Variants in NBAS observed in about 807,000 individuals in gnomAD.
NBAS encodes the protein NAG/BC035112 fusion.
A neutral mutation model predicts 302.5 loss-of-function variants in NBAS; 219 were observed. That is an observed-to-expected ratio of 0.72 (90% CI 0.65 to 0.81). The LOEUF (loss-of-function observed/expected upper bound fraction) is 0.81, where lower values mean the gene tolerates loss of function less well. NBAS is among the 30% of genes least tolerant of loss of function. NBAS has a pLI of 0.00. For missense variants in NBAS, 2,932 were observed against 2,841.6 expected, an observed-to-expected ratio of 1.03 and a Z score of -0.72; for synonymous variants, 1,118 against 1,021.6, an observed-to-expected ratio of 1.09 and a Z score of -1.80.
chr2:15,467,943 T>G, intron 17 of NBAS, 139 bp from the exon 18 acceptor site: 1 of 791,648 alleles, frequency 1.3e-6, no homozygotes, highest in South Asian at 1.9e-5. Flanking sequence ...CTTTTGCCAT[T>G]GTAAACAAAG....
intron 31 of NBAS, among the ~76,000 whole-genome samples, chr2:15,370,578 T>C (rs1315594091): frequency 6.6e-6 from 1 of 151,876 alleles, no homozygotes; most frequent in East Asian, 1.9e-4. Context: ...ATTAGAGGAG[T>C]GAGCCACCAT....
At chr2:15,047,114 A>C in the NBAS span, among the ~76,000 whole-genome samples, 3 of 152,228 alleles carry the variant, frequency 2.0e-5, no homozygotes, top group Non-Finnish European at 4.4e-5. Flanking sequence ...CAGGCAGTAG[A>C]GCCTAGAGAT....
At chr2:15,223,560 T>C (rs781506430) in intron 47 of NBAS, among the ~76,000 whole-genome samples, 13 of 152,114 alleles carry the variant, frequency 8.5e-5, no homozygotes, top group African/African-American at 1.4e-4. Context: ...GTAATACAAA[T>C]GATTTTTAAA....
At chr2:14,868,587 A>T in the NBAS span, among the ~76,000 whole-genome samples, 1 of 152,068 alleles carries the variant, frequency 6.6e-6, no homozygotes. Context: ...CACGGACGGA[A>T]TTTTTTCTTA....
chr2:15,309,832 C>G (rs987023658), intron 38 of NBAS, among the ~76,000 whole-genome samples: 1 of 152,156 alleles, frequency 6.6e-6, no homozygotes, highest in African/African-American at 2.4e-5. Flanking sequence ...AATTTTTACA[C>G]AAACCACAAC....
the NBAS span, among the ~76,000 whole-genome samples, chr2:15,075,932 T>G: frequency 6.6e-6 from 1 of 152,246 alleles, no homozygotes; most frequent in South Asian, 2.1e-4. Context: ...TTGAAGTTTT[T>G]CAAACAAAAT....
At chr2:15,300,433 G>A (rs1191194494) in intron 40 of NBAS, among the ~76,000 whole-genome samples, 1 of 152,206 alleles carries the variant, frequency 6.6e-6, no homozygotes, top group African/African-American at 2.4e-5. Flanking sequence ...GGAAGATGCT[G>A]AAAACACTCA....
intron 44 of NBAS, among the ~76,000 whole-genome samples, chr2:15,268,190 C>T (rs1669159916): frequency 6.6e-6 from 1 of 152,228 alleles, no homozygotes; most frequent in Non-Finnish European, 1.5e-5. Context: ...AAGTACTCTT[C>T]ACTCTCCCAT....
At chr2:15,146,982 C>T in the NBAS span, among the ~76,000 whole-genome samples, 1 of 152,194 alleles carries the variant, frequency 6.6e-6, no homozygotes, top group African/African-American at 2.4e-5. Context: ...GACAGGGTTG[C>T]TCTGTCTGTC....
chr2:15,019,442 T>C, the NBAS span, among the ~76,000 whole-genome samples: 2 of 152,130 alleles, frequency 1.3e-5, no homozygotes, highest in African/African-American at 4.8e-5. Context: ...CTTAGAGACC[T>C]CTCTGTTAGC....
At chr2:15,328,445 G>T in intron 36 of NBAS, 133 bp from the exon 37 acceptor site, 2 of 750,058 alleles carry the variant, frequency 2.7e-6, no homozygotes, top group South Asian at 1.5e-5. Flanking sequence ...GGTAATGCCT[G>T]CTGCATTTCC....
In NBAS at chr2:15,424,456, C is replaced by G; in HGVS notation, c.2436G>C (p.Glu812Asp). The change falls in exon 23 of 52, where the codon GAG (glutamate) becomes GAC (aspartate). Residue 812 changes from glutamate to aspartate, a missense_variant. Physicochemically the swap from Glu to Asp is conservative, Grantham distance 45 (BLOSUM62 2). Transcript: ENST00000281513. The stretch of plus-strand genomic sequence containing the variant: ...ATTCACTTTCATCTTGGAGATTCGG[C>G]TCAACAACCATTCTGTGAAGCACAA... ...CEELACRMVV[E>D]PNLQDESEFL... The G allele has an allele frequency of 1.2e-6, 2 of 1,614,070 alleles. No homozygotes were observed. The highest frequency in any genetic ancestry group is 1.7e-6 in the Non-Finnish European group (2 of 1,179,972).
chr2:14,956,144 C>T, the NBAS span, among the ~76,000 whole-genome samples: 1 of 152,182 alleles, frequency 6.6e-6, no homozygotes, highest in African/African-American at 2.4e-5. Flanking sequence ...TGTCACCAGT[C>T]TCTTTGCAAA....
chr2:14,978,043 T>C, the NBAS span, among the ~76,000 whole-genome samples: 449 of 152,288 alleles, frequency 2.9e-3, 1 homozygote, highest in African/African-American at 0.01. Context: ...CCAGACACAT[T>C]ATACTCCCAC....
the NBAS span, among the ~76,000 whole-genome samples, chr2:14,980,850 C>T: frequency 6.6e-5 from 10 of 152,040 alleles, no homozygotes; most frequent in Admixed American, 1.3e-4. Flanking sequence ...AAGAACAAGA[C>T]GCTATGGGCA....
chr2:15,206,255 T>G (rs145844906), intron 48 of NBAS, among the ~76,000 whole-genome samples: 1 of 152,142 alleles, frequency 6.6e-6, no homozygotes, highest in Non-Finnish European at 1.5e-5. Flanking sequence ...AATGATAATT[T>G]AGGGAATCTG....
chr2:15,151,620 A>G, the NBAS span, among the ~76,000 whole-genome samples: 2 of 152,222 alleles, frequency 1.3e-5, no homozygotes, highest in African/African-American at 4.8e-5. Flanking sequence ...AACTTATAAT[A>G]GAAAAATAGG....
the NBAS span, among the ~76,000 whole-genome samples, chr2:15,047,435 G>A: frequency 0.014 from 2,178 of 152,224 alleles, 39 homozygotes; most frequent in African/African-American, 0.043. Flanking sequence ...GGTAAAGGCT[G>A]GGCTTATGCA....
chr2:15,416,187 G>A (rs531230140), intron 24 of NBAS, among the ~76,000 whole-genome samples: 1 of 152,244 alleles, frequency 6.6e-6, no homozygotes, highest in South Asian at 2.1e-4. Flanking sequence ...GAAAGACAGA[G>A]ATACACAAAT....
Sources: allele counts gnomAD v4.1 joint callset (sites outside exome capture counted in the v4.1 genomes callset), GRCh38; gene constraint gnomAD v4.1.1; transcripts MANE v1.5; gene names NCBI Gene and HGNC (gene_info 2026-07-23, HGNC 2026-07-21).